The following ADAMTSL1 variants were observed in gnomAD, a reference collection of about 807,000 sequenced individuals.
ADAMTSL1 encodes ADAMTS-like protein 1.
ADAMTSL1 carries 126 observed loss-of-function variants against 201.8 expected under a neutral mutation model. The observed-to-expected ratio is 0.62, with a 90% CI of 0.54 to 0.72. The LOEUF (loss-of-function observed/expected upper bound fraction) is 0.72. Ranked by LOEUF, ADAMTSL1 falls within the 30% of genes least tolerant of loss-of-function variation. The pLI is 0.00. For synonymous variants in ADAMTSL1, 1,121 were observed against 903.4 expected (o/e 1.24, Z -4.32); for missense variants, 2,679 against 2,277.8 (o/e 1.18, Z -3.59).
chr9:18,078,044 A>C (rs143618770), intron 1 of ADAMTSL1, among the ~76,000 whole-genome samples: 139 of 152,308 alleles, frequency 9.1e-4, no homozygotes, highest in African/African-American at 3.1e-3. Flanking sequence ...CTGAGAGAGA[A>C]GATGTAAAAG....
intron 20 of ADAMTSL1, among the ~76,000 whole-genome samples, chr9:18,811,212 G>A (rs1190089244): frequency 1.3e-5 from 2 of 152,038 alleles, no homozygotes; most frequent in African/African-American, 4.8e-5. Flanking sequence ...TTCCCCACCA[G>A]CCAGCCTCAA....
At chr9:18,312,854 T>C (rs1447837454) in intron 2 of ADAMTSL1, among the ~76,000 whole-genome samples, 1 of 152,066 alleles carries the variant, frequency 6.6e-6, no homozygotes, top group South Asian at 2.1e-4. Flanking sequence ...GTGTTTTTAA[T>C]GATATTTATA....
chr9:18,413,206 T>A (rs936973480), intron 2 of ADAMTSL1, among the ~76,000 whole-genome samples: 13 of 150,084 alleles, frequency 8.7e-5, no homozygotes, highest in East Asian at 2.0e-4. Flanking sequence ...TGAAGTGCAG[T>A]GGCGCAATCT....
intron 2 of ADAMTSL1, among the ~76,000 whole-genome samples, chr9:18,343,707 A>C (rs1368421333): frequency 1.3e-5 from 2 of 152,158 alleles, no homozygotes; most frequent in African/African-American, 4.8e-5. Flanking sequence ...ACTAGGTTGC[A>C]CCATCTGAGC....
chr9:18,638,545 C>T (rs1442260878), intron 6 of ADAMTSL1, among the ~76,000 whole-genome samples: 1 of 152,074 alleles, frequency 6.6e-6, no homozygotes, highest in Non-Finnish European at 1.5e-5. Context: ...TGATTTTCTA[C>T]AACAAAACAT....
intron 1 of ADAMTSL1, among the ~76,000 whole-genome samples, chr9:18,122,786 T>C (rs547619567): frequency 9.2e-5 from 14 of 152,176 alleles, no homozygotes; most frequent in African/African-American, 3.4e-4. Flanking sequence ...GGTTTTTTGT[T>C]TTTGTTTTTT....
chr9:18,107,603 G>A (rs1356378275), intron 1 of ADAMTSL1, among the ~76,000 whole-genome samples: 2 of 151,994 alleles, frequency 1.3e-5, no homozygotes, highest in Admixed American at 1.3e-4. Context: ...TGGACTCAAA[G>A]GGAGAAAAAG....
intron 1 of ADAMTSL1, among the ~76,000 whole-genome samples, chr9:18,096,502 A>T (rs989425201): frequency 6.6e-6 from 1 of 152,104 alleles, no homozygotes. Flanking sequence ...AGAGTAGGAG[A>T]TGGGGGTGGT....
chr9:18,435,495 G>C (rs1490841948), intron 2 of ADAMTSL1, among the ~76,000 whole-genome samples: 1 of 152,172 alleles, frequency 6.6e-6, no homozygotes, highest in Non-Finnish European at 1.5e-5. Flanking sequence ...ACACTACTAT[G>C]AGAATATATA....
chr9:17,995,746 T>C lies in ADAMTSL1; in HGVS notation c.87+88824T>C, dbSNP rs148937382. ...AGAGAAGATACATTTATAATTAGTA[T>C]TTATATTATAGGAGTTAGAGTGCTA... On this transcript the variant is annotated intron_variant, in intron 1 of 29. Transcript: ENST00000680146. Among the ~76,000 whole-genome samples the C allele has an allele frequency of 9.1e-4, 138 of 151,876 alleles. 2 individuals carry two copies. The East Asian group carries it at 0.022, about 24-fold the overall frequency.
intron 2 of ADAMTSL1, among the ~76,000 whole-genome samples, chr9:18,513,208 A>G (rs896888594): frequency 6.6e-6 from 1 of 152,160 alleles, no homozygotes; most frequent in Non-Finnish European, 1.5e-5. Context: ...TGTTCTATAC[A>G]GTATTGTTAA....
At chr9:18,627,686 A>G (rs1826479107) in intron 5 of ADAMTSL1, among the ~76,000 whole-genome samples, 1 of 152,186 alleles carries the variant, frequency 6.6e-6, no homozygotes, top group African/African-American at 2.4e-5. Context: ...CCTCTTCCAT[A>G]TTAAAGAATG....
intron 2 of ADAMTSL1, among the ~76,000 whole-genome samples, chr9:18,292,297 G>A (rs1179834153): frequency 1.3e-5 from 2 of 152,074 alleles, no homozygotes; most frequent in Non-Finnish European, 2.9e-5. Context: ...ATTGGCAGAG[G>A]CCTTGGCCAG....
intron 2 of ADAMTSL1, among the ~76,000 whole-genome samples, chr9:18,312,677 T>A (rs995998053): frequency 6.6e-6 from 1 of 152,192 alleles, no homozygotes; most frequent in East Asian, 1.9e-4. Context: ...CAATTTTTCA[T>A]CCTCAGTTTA....
At chr9:17,968,221 C>T (rs986196490) in intron 1 of ADAMTSL1, among the ~76,000 whole-genome samples, 7 of 152,074 alleles carry the variant, frequency 4.6e-5, no homozygotes, top group Non-Finnish European at 8.8e-5. Context: ...TGATGCAATA[C>T]GTATTTATTC....
At position 18,860,481 on chromosome 9, in the gene ADAMTSL1, A is replaced by T. The variant is rs189147666; in HGVS notation, c.4250-27350A>T. Among the ~76,000 whole-genome samples the T allele has an allele frequency of 5.2e-3, 788 of 151,676 alleles. 11 individuals carry two copies. The highest frequency in any genetic ancestry group is 0.018 in the African/African-American group (752 of 41,058). ...GTGACAGAGACCATATGGCTCACAA[A>T]GTCTACAATATTCACTATCTGGCCC... is the stretch of plus-strand genomic sequence containing the variant. On this transcript the variant is annotated intron_variant, in intron 23 of 28. Coordinates refer to ENST00000380548, the MANE Select transcript of ADAMTSL1 (RefSeq NM_001040272.6).
rs968240519 is a variant in ADAMTSL1 at position 18,001,285 on chromosome 9, G to A, written c.87+94363G>A. ...TGTACATATATCATGAAATATATAG[G>A]AGAAATATTTCCCCTTCAAAGATGA... On this transcript the variant is annotated intron_variant, in intron 1 of 29. Transcript: ENST00000680146. 2.6e-5 allele frequency among the ~76,000 whole-genome samples: 4 copies of A among 152,128 alleles called. No homozygotes were observed. The East Asian group carries it at 5.8e-4, about 22-fold the overall frequency.
In ADAMTSL1 at chr9:18,270,367, A is replaced by G. The variant is rs532879512; in HGVS notation, c.207+106386A>G. ...AGCATATGAATTTCCTGGGGAACAC[A>G]AACGTTCAGACCATAGGAGACTTCT... On this transcript the variant is annotated intron_variant, in intron 2 of 29. Transcript: ENST00000680146. Among the ~76,000 whole-genome samples the G allele has an allele frequency of 1.1e-4, 16 of 152,230 alleles. No individual in the cohort carries two copies. The East Asian group carries it at 3.1e-3, about 29-fold the overall frequency.
intron 2 of ADAMTSL1, among the ~76,000 whole-genome samples, chr9:18,278,179 A>C (rs539625384): frequency 1.3e-5 from 2 of 152,226 alleles, no homozygotes; most frequent in African/African-American, 4.8e-5. Context: ...TAAGAATCAA[A>C]AGGTATTTAT....
Sources: gnomAD v4.1 joint callset for allele counts (sites outside exome capture counted in the v4.1 genomes callset) on GRCh38, gnomAD v4.1.1 for gene constraint, MANE v1.5 for transcripts, NCBI Gene and HGNC (gene_info 2026-07-23, HGNC 2026-07-21) for gene names.